MBNL2: variants seen among roughly 807,000 people sequenced by gnomAD.
MBNL2 encodes muscleblind-like protein 2.
MBNL2 carries 17 observed loss-of-function variants against 41.9 expected under a neutral mutation model. The observed-to-expected ratio is 0.41, with a 90% confidence interval of 0.28 to 0.61. The LOEUF (loss-of-function observed/expected upper bound fraction) is 0.61. MBNL2 is among the 20% of genes least tolerant of loss of function. The pLI is 0.35. For missense variants in MBNL2, 336 were observed against 505.6 expected, an observed-to-expected ratio of 0.66 and a Z score of 3.22; for synonymous variants, 195 against 182.9, an observed-to-expected ratio of 1.07 and a Z score of -0.53.
rs2066440846 is a variant in MBNL2, at chr13:97,393,504, T to C, written c.*2055T>C. ...CATCACCTGTAACCCCAAGCAAATA[T>C]AGAAGACTGTATTTTTTACTATGAT... On this transcript the variant is annotated 3_prime_UTR_variant, in exon 9 of 9. Transcript: ENST00000679496. 6.6e-6 allele frequency: 1 copy of C among 152,434 alleles called. No individual in the cohort carries two copies. Among genetic ancestry groups the C allele is most frequent in the Non-Finnish European group, 1.5e-5 (1 of 67,932 alleles). The allele number at this position is 152,434 out of a possible 1,614,324, so 9.4% of individuals were successfully genotyped here.
At chr13:97,338,136 C>T (rs758429999) in intron 3 of MBNL2, among the ~76,000 whole-genome samples, 3 of 152,198 alleles carry the variant, frequency 2.0e-5, no homozygotes. Flanking sequence ...TGGGACAAAG[C>T]CGAAACTCTG....
At chr13:97,236,498 T>C (rs2043297429) in intron 1 of MBNL2, among the ~76,000 whole-genome samples, 2 of 151,724 alleles carry the variant, frequency 1.3e-5, no homozygotes, top group African/African-American at 4.8e-5. Context: ...GTGGGCTGGA[T>C]ACAGGATATG....
chr13:97,147,486 C>T, the MBNL2 span, among the ~76,000 whole-genome samples: 1 of 151,930 alleles, frequency 6.6e-6, no homozygotes, highest in African/African-American at 2.4e-5. Flanking sequence ...TTTTTTTTTA[C>T]CTACTGACTA....
At chr13:97,207,127 G>C in the MBNL2 span, among the ~76,000 whole-genome samples, 1 of 152,148 alleles carries the variant, frequency 6.6e-6, no homozygotes, top group Non-Finnish European at 1.5e-5. Context: ...TAAAGTGCTA[G>C]AGAAAACCTG....
At chr13:97,303,351 A>G (rs779403441) in intron 2 of MBNL2, among the ~76,000 whole-genome samples, 1 of 152,162 alleles carries the variant, frequency 6.6e-6, no homozygotes. Flanking sequence ...GGGCTGGGCA[A>G]TGGGTGGGGG....
intron 7 of MBNL2, 132 bp from the exon 8 acceptor site, chr13:97,365,004 C>T: frequency 1.3e-6 from 1 of 767,238 alleles, no homozygotes; most frequent in Middle Eastern, 2.3e-4. Context: ...GTGAATGGCC[C>T]TAAAAGACTG....
chr13:97,172,896 G>A, the MBNL2 span: 1 of 151,942 alleles, frequency 6.6e-6, no homozygotes, highest in Admixed American at 6.6e-5. Context: ...TTAGCACAGA[G>A]TGGAGGCTCG....
intron 8 of MBNL2, among the ~76,000 whole-genome samples, chr13:97,384,723 A>T (rs2065787279): frequency 6.6e-6 from 1 of 152,212 alleles, no homozygotes; most frequent in African/African-American, 2.4e-5. Flanking sequence ...GCCTATTTTT[A>T]AATTAATAAT....
At chr13:97,309,600 T>C (rs1276923023) in intron 2 of MBNL2, among the ~76,000 whole-genome samples, 2 of 152,096 alleles carry the variant, frequency 1.3e-5, no homozygotes, top group South Asian at 2.1e-4. Flanking sequence ...CCCCTAGAAC[T>C]GTGAGGGAAT....
chr13:97,313,308 A>G lies in MBNL2; in HGVS notation c.175-20968A>G, dbSNP rs528569611. On this transcript the variant is annotated intron_variant, in intron 2 of 8. Transcript: ENST00000679496. ...TTTGCTTATTCTGAAGCAATTTTCA[A>G]TGGTTTTCCCTGCTTTTCTTTTCCA... is the stretch of plus-strand genomic sequence containing the variant. Among the ~76,000 whole-genome samples, 7 of 152,300 alleles carry G rather than the reference A, an allele frequency of 4.6e-5. No homozygotes were observed. The East Asian group carries it at 9.6e-4, about 21-fold the overall frequency.
chr13:97,189,799 C>T, the MBNL2 span, among the ~76,000 whole-genome samples: 1 of 152,168 alleles, frequency 6.6e-6, no homozygotes, highest in Non-Finnish European at 1.5e-5. Context: ...ATGATCACAA[C>T]TTAAAGGGAC....
chr13:97,347,608 T>C (rs138665271), intron 5 of MBNL2, among the ~76,000 whole-genome samples: 1 of 152,232 alleles, frequency 6.6e-6, no homozygotes, highest in Non-Finnish European at 1.5e-5. Flanking sequence ...AATGAGGTTT[T>C]ATGCAGAATA....
chr13:97,155,058 A>C, the MBNL2 span, among the ~76,000 whole-genome samples: 1 of 152,258 alleles, frequency 6.6e-6, no homozygotes, highest in East Asian at 1.9e-4. Context: ...CAATTGTGAG[A>C]TGAGCCCAAA....
intron 1 of MBNL2, among the ~76,000 whole-genome samples, chr13:97,224,522 G>T (rs1368275713): frequency 1.3e-5 from 2 of 148,916 alleles, no homozygotes; most frequent in African/African-American, 4.9e-5. Flanking sequence ...TACTCACGTA[G>T]TTTTGAGCAA....
At chr13:97,229,519 A>G (rs906245614) in intron 1 of MBNL2, among the ~76,000 whole-genome samples, 1 of 152,222 alleles carries the variant, frequency 6.6e-6, no homozygotes, top group African/African-American at 2.4e-5. Flanking sequence ...ATATTTATAA[A>G]GTAACCATCC....
chr13:97,371,504 G>T (rs956510151), intron 8 of MBNL2, among the ~76,000 whole-genome samples: 2 of 152,140 alleles, frequency 1.3e-5, no homozygotes, highest in Admixed American at 6.5e-5. Flanking sequence ...GCATCCGTTT[G>T]TGGGAGCGGC....
At chr13:97,143,434 A>G in the MBNL2 span, among the ~76,000 whole-genome samples, 1 of 152,236 alleles carries the variant, frequency 6.6e-6, no homozygotes, top group Admixed American at 6.5e-5. Flanking sequence ...GTTGAAATCT[A>G]TCCAGGAGGG....
At chr13:97,259,994 C>G (rs1315644479) in intron 1 of MBNL2, among the ~76,000 whole-genome samples, 1 of 152,184 alleles carries the variant, frequency 6.6e-6, no homozygotes, top group Non-Finnish European at 1.5e-5. Context: ...GACAGACCAT[C>G]CCCTTACAGA....
At chr13:97,340,165 G>A (rs2061334824) in intron 3 of MBNL2, among the ~76,000 whole-genome samples, 1 of 152,208 alleles carries the variant, frequency 6.6e-6, no homozygotes, top group African/African-American at 2.4e-5. Flanking sequence ...TTTCACAGAT[G>A]TAAAGCATTA....
Sources: gnomAD v4.1 joint callset for allele counts (sites outside exome capture counted in the v4.1 genomes callset) on GRCh38, gnomAD v4.1.1 for gene constraint, MANE v1.5 for transcripts, NCBI Gene and HGNC (gene_info 2026-07-23, HGNC 2026-07-21) for gene names.